Variants in SYNE2 observed in about 807,000 individuals in gnomAD.
The protein encoded by SYNE2 is nesprin-2.
In SYNE2, 431 loss-of-function variants were observed where a neutral mutation model predicts 856.3. The ratio of observed to expected loss-of-function variants is 0.50; its 90% CI spans 0.47 to 0.55. SYNE2 has a LOEUF of 0.55. SYNE2 is among the 20% of genes least tolerant of loss of function. The pLI, the probability that SYNE2 is intolerant of heterozygous loss-of-function variation, is 0.00. For synonymous variants in SYNE2, 2,923 were observed against 2,872.3 expected, an observed-to-expected ratio of 1.02 and a Z score of -0.56; for missense variants, 8,129 against 8,023.2, an observed-to-expected ratio of 1.01 and a Z score of -0.50.
intron 37 of SYNE2, 75 bp downstream of exon 37, chr14:64,022,103 A>G: frequency 7.1e-7 from 1 of 1,398,838 alleles, no homozygotes; most frequent in Non-Finnish European, 1.0e-6. Flanking sequence ...CACAAAAGCT[A>G]ATCTAAGCCT....
chr14:63,887,468 G>A (rs2095020689), intron 1 of SYNE2, among the ~76,000 whole-genome samples: 1 of 152,086 alleles, frequency 6.6e-6, no homozygotes, highest in African/African-American at 2.4e-5. Flanking sequence ...GTGGGTCCCT[G>A]GGGAAGGTGT....
intron 64 of SYNE2, among the ~76,000 whole-genome samples, chr14:64,104,446 CTTT>C (rs34102150): frequency 2.1e-4 from 25 of 118,754 alleles, no homozygotes; most frequent in African/African-American, 3.6e-4. Flanking sequence ...CCTGTTTTCT[CTTT>C]TTTTTTTTTT....
At position 63,997,291 on chromosome 14, in the gene SYNE2, T is replaced by C; in HGVS notation, c.3153-10T>C. On this transcript the variant is annotated splice_polypyrimidine_tract_variant and intron_variant, in intron 24 of 115. Coordinates refer to ENST00000555002, the MANE Select transcript of SYNE2 (RefSeq NM_182914.3). ...CCTCTTTTAAACATGCAATTTTGAT[T>C]CCTTTCTAGGGGGACCATCACCACA... 2 of 1,611,584 alleles carry C rather than the reference T, an allele frequency of 1.2e-6. No homozygotes were observed. The highest frequency in any genetic ancestry group is 1.7e-6 in the Non-Finnish European group (2 of 1,178,468).
intron 54 of SYNE2, among the ~76,000 whole-genome samples, chr14:64,077,415 A>C (rs2097472965): frequency 6.6e-6 from 1 of 151,960 alleles, no homozygotes; most frequent in Non-Finnish European, 1.5e-5. Context: ...TATTGACTGC[A>C]GTATGGTCTG....
intron 1 of SYNE2, among the ~76,000 whole-genome samples, chr14:63,799,573 G>A (rs975473054): frequency 1.8e-4 from 28 of 151,910 alleles, no homozygotes; most frequent in Middle Eastern, 6.8e-3. Flanking sequence ...GCGTGGTGGC[G>A]GGCGCCTGTA....
At position 64,132,309 on chromosome 14, in the gene SYNE2, A is replaced by G. The variant is rs147001272; in HGVS notation, c.14385A>G (p.Ala4795=). Residue 4795 remains alanine (A), a synonymous_variant, in exon 77 of 116, where the codon GCA becomes GCG. Transcript: ENST00000555002. The part of the protein sequence containing the change: ...KLVADMLLIQ[A]YSAKILPSLL... ...TTGCTGACATGTTGTTGATCCAAGC[A>G]TACTCTGCCAAAATACTTCCTTCTT... 2 of 1,614,142 alleles carry G rather than the reference A, an allele frequency of 1.2e-6. No individual in the cohort carries two copies. The highest frequency in any genetic ancestry group is 1.7e-6 in the Non-Finnish European group (2 of 1,180,050).
intron 99 of SYNE2, among the ~76,000 whole-genome samples, chr14:64,197,666 T>C (rs1420896131): frequency 6.6e-6 from 1 of 152,244 alleles, no homozygotes; most frequent in Admixed American, 6.5e-5. Flanking sequence ...CTTTTATAAT[T>C]TAACTGTAGA....
At chr14:64,071,654 G>A (rs1259877404) in intron 52 of SYNE2, among the ~76,000 whole-genome samples, 1 of 151,934 alleles carries the variant, frequency 6.6e-6, no homozygotes, top group African/African-American at 2.4e-5. Flanking sequence ...GTACTGTTTT[G>A]TATTCTGCTG....
chr14:64,101,878 T>G, intron 63 of SYNE2, 54 bp from the exon 64 acceptor site: 1 of 1,369,874 alleles, frequency 7.3e-7, no homozygotes, highest in Non-Finnish European at 1.0e-6. Context: ...AGGGCACCGG[T>G]TATGACAGTA....
At chr14:63,902,271 T>A (rs1381389944) in intron 1 of SYNE2, among the ~76,000 whole-genome samples, 3 of 151,616 alleles carry the variant, frequency 2.0e-5, no homozygotes, top group Non-Finnish European at 4.4e-5. Context: ...ATTAGCCGTG[T>A]GTGGTGGTAC....
intron 54 of SYNE2, among the ~76,000 whole-genome samples, chr14:64,078,209 T>TACATGTATTGTA (rs1357063038): frequency 6.6e-6 from 1 of 152,214 alleles, no homozygotes; most frequent in African/African-American, 2.4e-5. Context: ...CATGTTACAA[T>TACATGTATTGTA]ACATGTATTA....
chr14:64,183,115 C>G (rs868266614), intron 96 of SYNE2, among the ~76,000 whole-genome samples: 2 of 150,902 alleles, frequency 1.3e-5, no homozygotes. Flanking sequence ...CCTCACTTCT[C>G]GGACGGGGCG....
chr14:64,211,343 A>G (rs990350352), intron 103 of SYNE2, among the ~76,000 whole-genome samples: 3 of 152,342 alleles, frequency 2.0e-5, no homozygotes, highest in East Asian at 1.9e-4. Context: ...CACTGAAGCT[A>G]TACTGATCTG....
rs779340229 is a variant in SYNE2 at position 64,146,147 on chromosome 14, C to G, written c.15563C>G (p.Ala5188Gly). Residue 5188 changes from alanine to glycine, a missense_variant, in exon 84 of 116, where the codon GCA becomes GGA. Ala to Gly is a moderately conservative substitution (Grantham distance 60). Transcript: ENST00000555002. ...CAGATCTTGAACAACTGGCTGGAAG[C>G]ACAAGAAGAGAGACTGAAAACTTTA... The part of the protein sequence containing the change: ...KIQILNNWLE[A>G]QEERLKTLQK... 1 of 1,611,702 alleles carries G rather than the reference C, an allele frequency of 6.2e-7. No homozygotes were observed. Among genetic ancestry groups the G allele is most frequent in the South Asian group, 1.1e-5 (1 of 90,630 alleles).
intron 1 of SYNE2, among the ~76,000 whole-genome samples, chr14:63,842,286 C>T (rs1890093637): frequency 6.6e-6 from 1 of 151,906 alleles, no homozygotes; most frequent in South Asian, 2.1e-4. Context: ...ATTCTTGTGA[C>T]CCAGACTCAC....
Position 64,163,297 on chromosome 14 carries a change from G to C in SYNE2, c.16300-105G>C, listed in dbSNP as rs954109466. The C allele has an allele frequency of 4.5e-6, 6 of 1,322,896 alleles. No homozygotes were observed. In the African/African-American group the frequency reaches 8.7e-5, roughly 19 times the overall value. 81.9% of individuals were successfully genotyped at this position (1,322,896 alleles called of 1,614,324 possible). On this transcript the variant is annotated intron_variant, in intron 88 of 115. Transcript: ENST00000555002. Reference sequence around the variant, plus strand: ...AATAATAACAAAAGATCATGCCTACGTTTTCAGGGCAAATATTCTCCTAGA... The same window carrying C: ...AATAATAACAAAAGATCATGCCTACCTTTTCAGGGCAAATATTCTCCTAGA...
At chr14:63,977,508 A>G (rs1033269552) in intron 12 of SYNE2, among the ~76,000 whole-genome samples, 17 of 152,304 alleles carry the variant, frequency 1.1e-4, no homozygotes, top group Non-Finnish European at 2.1e-4. Flanking sequence ...CACCACGCCC[A>G]GCCAAAAATA....
chr14:63,895,336 C>T (rs1386769577), intron 1 of SYNE2, among the ~76,000 whole-genome samples: 6 of 151,496 alleles, frequency 4.0e-5, no homozygotes, highest in Admixed American at 2.0e-4. Flanking sequence ...GTCTTGAACT[C>T]CTGACCTTGT....
At chr14:63,834,649 T>TC (rs1187586854) in intron 1 of SYNE2, among the ~76,000 whole-genome samples, 3 of 149,892 alleles carry the variant, frequency 2.0e-5, no homozygotes, top group African/African-American at 4.9e-5. Context: ...CTTTCTTTTT[T>TC]TTTTTTTTTT....
Sources: gnomAD v4.1 joint callset for allele counts (sites outside exome capture counted in the v4.1 genomes callset) on GRCh38, gnomAD v4.1.1 for gene constraint, MANE v1.5 for transcripts, NCBI Gene and HGNC (gene_info 2026-07-23, HGNC 2026-07-21) for gene names.